The following SLC10A1 variants were observed in gnomAD, a reference collection of about 807,000 sequenced individuals.
The protein encoded by SLC10A1 is solute carrier family 10 member 1.
In SLC10A1, 36 loss-of-function variants were observed where a neutral mutation model predicts 20.5. The observed-to-expected ratio is 1.75, with a 90% confidence interval of 1.34 to 2.32. The LOEUF (loss-of-function observed/expected upper bound fraction) is 2.32. Among genes scored for constraint, SLC10A1 ranks in the 30% most tolerant of loss-of-function variants. SLC10A1 has a pLI of 0.00. For missense variants in SLC10A1, 545 were observed against 439.1 expected, an observed-to-expected ratio of 1.24 and a Z score of -2.16; for synonymous variants, 188 against 163.6, an observed-to-expected ratio of 1.15 and a Z score of -1.14.
chr14:69,781,592 TAG>T (rs2139713176), intron 2 of SLC10A1, among the ~76,000 whole-genome samples: 1 of 152,226 alleles, frequency 6.6e-6, no homozygotes, highest in Non-Finnish European at 1.5e-5. Context: ...AAAGGAGAGT[TAG>T]GGGTCAGTTC....
chr14:69,790,593 T>C (rs960075212), intron 1 of SLC10A1, among the ~76,000 whole-genome samples: 1 of 152,108 alleles, frequency 6.6e-6, no homozygotes, highest in African/African-American at 2.4e-5. Flanking sequence ...TTAATGTTCT[T>C]ACATAATAAA....
chr14:69,783,754 A>G (rs1357954149), intron 2 of SLC10A1, among the ~76,000 whole-genome samples: 1 of 152,160 alleles, frequency 6.6e-6, no homozygotes, highest in African/African-American at 2.4e-5. Context: ...TGAGAAGGCC[A>G]TTTGAGTTGT....
Position 69,777,790 on chromosome 14 carries a change from A to G in SLC10A1, c.943+543T>C, listed in dbSNP as rs189452616. Among the ~76,000 whole-genome samples, 71 of 152,080 alleles carry G rather than the reference A, an allele frequency of 4.7e-4. 1 individual carries two copies. In the East Asian group the frequency reaches 8.3e-3, roughly 18 times the overall value. On this transcript the variant is annotated intron_variant, in intron 4 of 4. Transcript: ENST00000216540. The stretch of plus-strand genomic sequence containing the variant: ...ATTGTGGAGGTAGTTACTGTTTAAC[A>G]ACCGTATGCTTAAGTTTCCTTTACT...
chr14:69,786,386 C>T (rs867668397), intron 1 of SLC10A1, 79 bp from the exon 2 acceptor site: 4 of 1,166,584 alleles, frequency 3.4e-6, no homozygotes, highest in East Asian at 4.8e-5. Context: ...TGCTAAGTGC[C>T]ACTGTGCTAA....
intron 2 of SLC10A1, 133 bp from the exon 3 acceptor site, chr14:69,779,493 A>C: frequency 1.7e-6 from 1 of 598,084 alleles, no homozygotes. Flanking sequence ...AATATGAAAG[A>C]CCTTTATCTT....
In SLC10A1 at chr14:69,779,176, AC is replaced by A. The variant is rs71446397; in HGVS notation, c.746+5del. The A allele has an allele frequency of 3.2e-6, 5 of 1,561,290 alleles. No homozygotes were observed. The African/African-American group carries it at 5.6e-5, about 17-fold the overall frequency. On this transcript the variant is annotated splice_donor_5th_base_variant and intron_variant, in intron 3 of 4. Transcript: ENST00000216540. ...ACCCTTTCTTAAAAAAAAAAAAAAT[AC>A]CTACCGTCCATTGAGGCAGAAGAGA...
At chr14:69,795,874 T>C (rs563237010) in intron 1 of SLC10A1, among the ~76,000 whole-genome samples, 3 of 152,284 alleles carry the variant, frequency 2.0e-5, no homozygotes, top group African/African-American at 7.2e-5. Context: ...ATACCTGGCA[T>C]TGAATAGCGT....
chr14:69,792,833 C>CAA (rs4646288), intron 1 of SLC10A1, among the ~76,000 whole-genome samples: 4 of 122,212 alleles, frequency 3.3e-5, no homozygotes, highest in African/African-American at 5.7e-5. Flanking sequence ...GCCTATTTCT[C>CAA]AAAAAAAAAA....
intron 4 of SLC10A1, among the ~76,000 whole-genome samples, chr14:69,777,956 G>C (rs1883488183): frequency 6.6e-6 from 1 of 151,834 alleles, no homozygotes; most frequent in Non-Finnish European, 1.5e-5. Flanking sequence ...TGAGAACCTA[G>C]TCCTGAGAAA....
chr14:69,777,524 T>C (rs184680055), intron 4 of SLC10A1, among the ~76,000 whole-genome samples: 11 of 151,342 alleles, frequency 7.3e-5, no homozygotes, highest in South Asian at 2.1e-4. Flanking sequence ...AGGAAGAATA[T>C]ACTAATGTTG....
chr14:69,777,700 T>G (rs1423299570), intron 4 of SLC10A1, among the ~76,000 whole-genome samples: 2 of 151,358 alleles, frequency 1.3e-5, no homozygotes, highest in Non-Finnish European at 2.9e-5. Flanking sequence ...CTCTGAGCAT[T>G]TTAGAGAAGA....
intron 1 of SLC10A1, among the ~76,000 whole-genome samples, chr14:69,793,416 AT>A (rs1272520786): frequency 6.6e-6 from 1 of 151,634 alleles, no homozygotes; most frequent in Non-Finnish European, 1.5e-5. Flanking sequence ...AAAGGGGCAC[AT>A]TTGTTTTTTT....
At position 69,776,380 on chromosome 14, in the gene SLC10A1, T is replaced by G. The variant is rs1883446603; in HGVS notation, c.952A>C (p.Lys318Gln). The G allele has an allele frequency of 1.2e-6, 2 of 1,613,340 alleles. No homozygotes were observed. Among genetic ancestry groups the G allele is most frequent in the Non-Finnish European group, 1.7e-6 (2 of 1,179,668 alleles). Residue 318 changes from lysine to glutamine, a missense_variant, in exon 5 of 5, where the codon AAA becomes CAA. Coordinates refer to ENST00000216540, the MANE Select transcript of SLC10A1 (RefSeq NM_003049.4). ...GTTGTGGCAGCTGTGTAGATCATTT[T>G]TGTTTTATCTGTAAAGTTAAAAAGG... ...EKFKTPKDKT[K>Q]MIYTAATTEE...
chr14:69,790,472 C>A (rs143364458), intron 1 of SLC10A1, among the ~76,000 whole-genome samples: 1 of 151,794 alleles, frequency 6.6e-6, no homozygotes, highest in African/African-American at 2.4e-5. Context: ...TTAAAAAATA[C>A]AATGAACAAG....
intron 2 of SLC10A1, among the ~76,000 whole-genome samples, chr14:69,781,727 A>C (rs1372333049): frequency 1.3e-5 from 2 of 152,230 alleles, no homozygotes; most frequent in Non-Finnish European, 2.9e-5. Context: ...TGTCATTCTC[A>C]GATTCATCAC....
chr14:69,779,372 G>C lies in SLC10A1; in HGVS notation c.568-12C>G, dbSNP rs2139711081. 1 of 1,599,432 alleles carries C rather than the reference G, an allele frequency of 6.3e-7. No homozygotes were observed. ...ATGATCATCCCTCCCTGGGAATGAA[G>C]ACAAGAAAAGGCAATTAGAAGAGTT... On this transcript the variant is annotated splice_polypyrimidine_tract_variant and intron_variant, in intron 2 of 4. Transcript: ENST00000216540.
chr14:69,788,200 C>T (rs1434633469), intron 1 of SLC10A1, among the ~76,000 whole-genome samples: 1 of 151,798 alleles, frequency 6.6e-6, no homozygotes, highest in Non-Finnish European at 1.5e-5. Flanking sequence ...ATGGGAGGAG[C>T]ATTGAAACTG....
intron 1 of SLC10A1, among the ~76,000 whole-genome samples, chr14:69,786,766 G>C (rs535423545): frequency 5.3e-5 from 8 of 152,332 alleles, no homozygotes; most frequent in African/African-American, 1.9e-4. Context: ...GTCTGGTTTA[G>C]AGCCTAGGGA....
chr14:69,791,006 A>G (rs1250097305), intron 1 of SLC10A1, among the ~76,000 whole-genome samples: 3 of 152,106 alleles, frequency 2.0e-5, no homozygotes, highest in Non-Finnish European at 4.4e-5. Context: ...ATTTTAAAAG[A>G]CACCATTTAT....
Sources: allele counts gnomAD v4.1 joint callset (sites outside exome capture counted in the v4.1 genomes callset), GRCh38; gene constraint gnomAD v4.1.1; transcripts MANE v1.5; gene names NCBI Gene and HGNC (gene_info 2026-07-23, HGNC 2026-07-21).